ERG: variants seen among roughly 807,000 people sequenced by gnomAD.
The protein encoded by ERG is ETS transcription factor ERG, also known as transcriptional regulator ERG.
In ERG, 9 loss-of-function variants were observed where a neutral mutation model predicts 55.3. The observed-to-expected ratio is 0.16, with a 90% CI of 0.10 to 0.28. The LOEUF (loss-of-function observed/expected upper bound fraction) is 0.28, where lower values mean the gene tolerates loss of function less well. Ranked by LOEUF, ERG falls within the 10% of genes least tolerant of loss-of-function variation. The pLI is 1.00. For missense variants in ERG, 434 were observed against 631.6 expected (o/e 0.69, Z 3.35); for synonymous variants, 223 against 237.3 (o/e 0.94, Z 0.55).
chr21:38,523,844 C>A (rs2059612224), intron 2 of ERG, among the ~76,000 whole-genome samples: 1 of 152,172 alleles, frequency 6.6e-6, no homozygotes, highest in African/African-American at 2.4e-5. Context: ...TCAGGTGCCT[C>A]CACTCTCCTC....
chr21:38,423,295 T>C, intron 3 of ERG, 115 bp downstream of exon 3: 1 of 1,125,130 alleles, frequency 8.9e-7, no homozygotes, highest in South Asian at 1.7e-5. Context: ...AGCCCTGCTC[T>C]GGACAAAGGA....
chr21:38,575,666 A>T, exon 2 of ERG: 1 of 1,613,788 alleles, frequency 6.2e-7, no homozygotes. Flanking sequence ...ACTTACCTTG[A>T]TATGAGCTGC....
At chr21:38,636,451 T>C (rs1049061099) in intron 1 of ERG, among the ~76,000 whole-genome samples, 12 of 152,156 alleles carry the variant, frequency 7.9e-5, no homozygotes, top group African/African-American at 2.9e-4. Context: ...GGGCTACTTA[T>C]TGGGCTTTTA....
intron 1 of ERG, among the ~76,000 whole-genome samples, chr21:38,470,618 C>A (rs1002817573): frequency 8.5e-5 from 13 of 152,194 alleles, no homozygotes; most frequent in South Asian, 4.1e-4. Context: ...GCACTGGTAT[C>A]TCTTTTCTTC....
At chr21:38,525,103 G>A (rs2059620906) in intron 2 of ERG, among the ~76,000 whole-genome samples, 1 of 151,954 alleles carries the variant, frequency 6.6e-6, no homozygotes, top group Non-Finnish European at 1.5e-5. Context: ...ACTACAGAAA[G>A]AGACAAGAAA....
At chr21:38,416,745 G>A (rs538206683) in intron 3 of ERG, among the ~76,000 whole-genome samples, 1 of 152,344 alleles carries the variant, frequency 6.6e-6, no homozygotes, top group East Asian at 1.9e-4. Flanking sequence ...GATGTCATAA[G>A]AGGAGTGATT....
chr21:38,442,393 TC>T (rs1449304142), intron 2 of ERG, among the ~76,000 whole-genome samples: 1 of 151,960 alleles, frequency 6.6e-6, no homozygotes, highest in Non-Finnish European at 1.5e-5. Context: ...CAAAACTCCA[TC>T]TAAAAGAAAA....
intron 2 of ERG, among the ~76,000 whole-genome samples, chr21:38,539,734 C>T (rs2059738047): frequency 6.6e-6 from 1 of 151,932 alleles, no homozygotes; most frequent in Non-Finnish European, 1.5e-5. Flanking sequence ...CCTATATGTG[C>T]ATAGACGAGG....
intron 1 of ERG, among the ~76,000 whole-genome samples, chr21:38,659,578 AG>A (rs1489112829): frequency 2.6e-5 from 4 of 152,276 alleles, no homozygotes; most frequent in African/African-American, 7.2e-5. Flanking sequence ...TATGTCACCC[AG>A]GGAAGAATAA....
intron 2 of ERG, among the ~76,000 whole-genome samples, chr21:38,553,973 A>G (rs1321268062): frequency 1.3e-5 from 2 of 151,034 alleles, no homozygotes; most frequent in Non-Finnish European, 3.0e-5. Flanking sequence ...AAAAAAACTT[A>G]AGCAAATTAA....
intron 9 of ERG, among the ~76,000 whole-genome samples, chr21:38,386,112 A>G (rs552032006): frequency 6.6e-6 from 1 of 152,280 alleles, no homozygotes; most frequent in South Asian, 2.1e-4. Flanking sequence ...TGTCTCTCCT[A>G]TTTCTGAAGA....
chr21:38,414,790 G>A (rs1275466281), intron 3 of ERG, among the ~76,000 whole-genome samples: 1 of 150,048 alleles, frequency 6.7e-6, no homozygotes, highest in Non-Finnish European at 1.5e-5. Context: ...AACACAGGAT[G>A]AACCAAACTG....
chr21:38,612,852 G>A (rs2060236242), intron 1 of ERG, among the ~76,000 whole-genome samples: 1 of 151,890 alleles, frequency 6.6e-6, no homozygotes, highest in Non-Finnish European at 1.5e-5. Context: ...TAGTAGAGAT[G>A]GGGTTTCACC....
rs2058819287 is a variant in ERG, at chr21:38,439,326, C to T, written c.236+6078G>A. ...GTGGACCATGAGTGAGCAGGTGTTA[C>T]CTCTTGGCTTATCCTGCTAGTCTAT... On this transcript the variant is annotated intron_variant, in intron 2 of 9. Coordinates refer to ENST00000288319, the MANE Select transcript of ERG (RefSeq NM_182918.4). Among the ~76,000 whole-genome samples, 4 of 152,280 alleles carry T rather than the reference C, an allele frequency of 2.6e-5. No individual in the cohort carries two copies. In the South Asian group the frequency reaches 8.3e-4, roughly 32 times the overall value.
At chr21:38,394,409 G>A (rs1988114070) in intron 6 of ERG, among the ~76,000 whole-genome samples, 1 of 151,308 alleles carries the variant, frequency 6.6e-6, no homozygotes, top group Non-Finnish European at 1.5e-5. Flanking sequence ...CTGGAGTGCA[G>A]TGGCGCGATC....
chr21:38,401,848 G>T (rs557050073), intron 5 of ERG, among the ~76,000 whole-genome samples: 66 of 152,212 alleles, frequency 4.3e-4, no homozygotes, highest in Non-Finnish European at 8.7e-4. Flanking sequence ...GAGGGAGGAA[G>T]GTTAGCCAGG....
At chr21:38,375,848 C>T (rs1987227346), downstream of ERG, among the ~76,000 whole-genome samples, 2 of 152,276 alleles carry the variant, frequency 1.3e-5, no homozygotes, top group African/African-American at 2.4e-5. Flanking sequence ...GTCCCACTGT[C>T]TTGCTCATTA....
At chr21:38,445,359 G>T in intron 2 of ERG, 45 bp downstream of exon 2, 2 of 1,516,026 alleles carry the variant, frequency 1.3e-6, no homozygotes, top group East Asian at 2.3e-5. Flanking sequence ...GCAAAGGATA[G>T]GAAAATGGGA....
upstream of ERG, among the ~76,000 whole-genome samples, chr21:38,585,414 G>A (rs1367297794): frequency 6.6e-6 from 1 of 151,674 alleles, no homozygotes; most frequent in Non-Finnish European, 1.5e-5. Flanking sequence ...GTAAATGCTA[G>A]GAGGATCTGT....
Sources: gnomAD v4.1 joint callset for allele counts (sites outside exome capture counted in the v4.1 genomes callset) on GRCh38, gnomAD v4.1.1 for gene constraint, MANE v1.5 for transcripts, NCBI Gene and HGNC (gene_info 2026-07-23, HGNC 2026-07-21) for gene names.